DCBLD1: variants seen among roughly 807,000 people sequenced by gnomAD.
The protein encoded by DCBLD1 is discoidin, CUB and LCCL domain containing 1.
Under a neutral mutation model 71.5 loss-of-function variants are expected in DCBLD1, and 57 were observed. That is an observed-to-expected ratio of 0.80 (90% CI 0.64 to 0.99). The LOEUF (loss-of-function observed/expected upper bound fraction) is 0.99, where lower values mean the gene tolerates loss of function less well. Ranked by LOEUF, DCBLD1 falls within the 50% of genes least tolerant of loss-of-function variation. The pLI, the probability that DCBLD1 is intolerant of heterozygous loss-of-function variation, is 0.00. For missense variants in DCBLD1, 891 were observed against 923.5 expected (o/e 0.96, Z 0.46); for synonymous variants, 380 against 363.8 (o/e 1.04, Z -0.51).
At chr6:117,546,219 GTAAC>G (rs1439685475) in intron 14 of DCBLD1, among the ~76,000 whole-genome samples, 2 of 152,252 alleles carry the variant, frequency 1.3e-5, no homozygotes, top group East Asian at 3.9e-4. Context: ...GTAATAAAGA[GTAAC>G]TAAGAGTAGT....
chr6:117,496,392 C>T (rs17574500), intron 1 of DCBLD1, among the ~76,000 whole-genome samples: 15,416 of 152,156 alleles, frequency 0.1, 973 homozygotes, highest in Admixed American at 0.17. Flanking sequence ...TTGCTTCTGG[C>T]GGCCTACAAG....
chr6:117,549,835 G>A (rs1339947719), downstream of DCBLD1: 1 of 985,366 alleles, frequency 1.0e-6, no homozygotes, highest in South Asian at 4.7e-5. Flanking sequence ...TGCTCGCTGG[G>A]GTGTTAGAGG....
chr6:117,498,568 CA>C (rs1268731310), intron 1 of DCBLD1, among the ~76,000 whole-genome samples: 1 of 152,152 alleles, frequency 6.6e-6, no homozygotes, highest in Non-Finnish European at 1.5e-5. Flanking sequence ...CTATCCTCCC[CA>C]CAACACTACT....
Position 117,548,153 on chromosome 6 carries a change from A to C in DCBLD1, c.1862A>C (p.Tyr621Ser). The C allele has an allele frequency of 6.5e-7, 1 of 1,550,024 alleles. No individual in the cohort carries two copies. Among genetic ancestry groups the C allele is most frequent in the Non-Finnish European group, 8.7e-7 (1 of 1,146,760 alleles). The change falls in exon 15 of 15, where the codon TAC (tyrosine) becomes TCC (serine). Residue 621 changes from tyrosine (Y) to serine (S), a missense_variant. By Grantham distance (144) the Tyr-to-Ser change is moderately radical. Transcript: ENST00000338728. ...CACACGTTCTCTGCGCAGAGCGGCT[A>C]CCGCGTCCCAGGGCCCCAGCCCGGC... ...RAHTFSAQSG[Y>S]RVPGPQPGHK...
chr6:117,483,441 G>T (rs573964034), intron 1 of DCBLD1, among the ~76,000 whole-genome samples: 29 of 152,324 alleles, frequency 1.9e-4, no homozygotes, highest in African/African-American at 7.0e-4. Context: ...GTTGGCCTTG[G>T]ACGCTGGCGA....
At chr6:117,494,990 TGTGGTAAAGAAAAAG>T (rs1777423646) in intron 1 of DCBLD1, 1 of 152,240 alleles carries the variant, frequency 6.6e-6, no homozygotes, top group Non-Finnish European at 1.5e-5. Flanking sequence ...TGAGATGTTC[TGTGGTAAAGAAAAAG>T]GTGGAATTCT....
At position 117,540,805 on chromosome 6, in the gene DCBLD1, G is replaced by C. The variant is rs928726621; in HGVS notation, c.1239G>C (p.Gln413His). ...TGAAGGTGGAGCTCATTGGTTGCCA[G>C]ATTACACAAGGTAGGGCTCAGGGCA... Reference protein sequence around the residue: ...IALKVELIGCQITQGNDSLVW... With the variant: ...IALKVELIGCHITQGNDSLVW... Residue 413 changes from glutamine to histidine, a missense_variant, in exon 10 of 15, where the codon CAG becomes CAC. Gln to His is a conservative substitution (Grantham distance 24, BLOSUM62 0). Coordinates refer to ENST00000338728, the MANE Select transcript of DCBLD1 (RefSeq NM_001366458.2). The C allele has an allele frequency of 6.2e-7, 1 of 1,614,220 alleles. No homozygotes were observed. Among genetic ancestry groups the C allele is most frequent in the Non-Finnish European group, 8.5e-7 (1 of 1,180,038 alleles).
chr6:117,532,504 T>C, intron 6 of DCBLD1, 111 bp downstream of exon 6: 1 of 1,364,266 alleles, frequency 7.3e-7, no homozygotes, highest in Non-Finnish European at 9.7e-7. Context: ...CAAGGGTTTG[T>C]CAACTGGAAA....
chr6:117,547,616 G>A, intron 14 of DCBLD1: 1 of 679,138 alleles, frequency 1.5e-6, no homozygotes, highest in Non-Finnish European at 2.8e-6. Context: ...TCCAGAGCCA[G>A]TTTCAGAGCC....
At chr6:117,546,277 C>T (rs1034085033) in intron 14 of DCBLD1, among the ~76,000 whole-genome samples, 3 of 152,296 alleles carry the variant, frequency 2.0e-5, no homozygotes, top group African/African-American at 7.2e-5. Flanking sequence ...CTCTATGGCA[C>T]TGCTAAAAAC....
intron 1 of DCBLD1, among the ~76,000 whole-genome samples, chr6:117,495,231 G>C (rs1187906339): frequency 6.6e-6 from 1 of 152,076 alleles, no homozygotes; most frequent in African/African-American, 2.4e-5. Context: ...ACCCAGTTAT[G>C]GTTGGTAATT....
Position 117,559,652 on chromosome 6 carries a change from T to G in DCBLD1, c.1616-9968T>G, listed in dbSNP as rs185532875. Among the ~76,000 whole-genome samples the G allele has an allele frequency of 5.3e-5, 8 of 152,324 alleles. No homozygotes were observed. The East Asian group carries it at 1.5e-3, about 29-fold the overall frequency. ...TCAAATCACACCTGAAAAAGGTTCA[T>G]TATTGAACAAATATTCAGCACCAAC... On this transcript the variant is annotated intron_variant, in intron 14 of 14. Coordinates refer to the DCBLD1 transcript ENST00000296955.
intron 14 of DCBLD1, among the ~76,000 whole-genome samples, chr6:117,559,512 G>A (rs1177919640): frequency 2.0e-5 from 3 of 152,134 alleles, no homozygotes; most frequent in Non-Finnish European, 4.4e-5. Flanking sequence ...GCCTCACCAT[G>A]TACACAGGGA....
At chr6:117,561,727 G>A (rs1001588427) in intron 14 of DCBLD1, 13 of 206,038 alleles carry the variant, frequency 6.3e-5, no homozygotes, top group Non-Finnish European at 1.2e-4. Flanking sequence ...TATACACTAC[G>A]AAGTGCACTT....
At chr6:117,535,281 A>T (rs2114532855) in intron 6 of DCBLD1, among the ~76,000 whole-genome samples, 1 of 152,268 alleles carries the variant, frequency 6.6e-6, no homozygotes, top group South Asian at 2.1e-4. Context: ...AGAGAGACTG[A>T]CCTCATACAG....
At position 117,482,852 on chromosome 6, in the gene DCBLD1, T is replaced by C; in HGVS notation, c.71T>C (p.Leu24Pro). 8.4e-7 allele frequency: 1 copy of C among 1,184,208 alleles called. No individual in the cohort carries two copies. The highest frequency in any genetic ancestry group is 1.0e-6 in the Non-Finnish European group (1 of 957,950). The allele number at this position is 1,184,208 out of a possible 1,614,324, so 73.4% of individuals were successfully genotyped here. The change falls in exon 1 of 15, where the codon CTC becomes CCC. Residue 24 changes from leucine (L) to proline (P), a missense_variant. Leu to Pro is a moderately conservative substitution (Grantham distance 98). Transcript: ENST00000338728. ...AAGRGLLALL[L>P]AVSAPLRLQA... ...GGGCGGGGCCTCCTGGCTTTGCTGC[T>C]CGCGGTCTCCGCCCCGCTCCGGCTG... is the stretch of plus-strand genomic sequence containing the variant.
chr6:117,496,652 A>G (rs1306617639), intron 1 of DCBLD1, among the ~76,000 whole-genome samples: 1 of 152,080 alleles, frequency 6.6e-6, no homozygotes, highest in Non-Finnish European at 1.5e-5. Context: ...TGTAACTTGA[A>G]TATTAGAAGA....
intron 7 of DCBLD1, 68 bp from the exon 8 acceptor site, chr6:117,538,552 G>T (rs1313475672): frequency 1.2e-5 from 17 of 1,431,514 alleles, no homozygotes; most frequent in Non-Finnish European, 1.4e-5. Context: ...GTGAGATGTG[G>T]TACTACTTTT....
chr6:117,553,953 T>C (rs1662045109), downstream of DCBLD1, among the ~76,000 whole-genome samples: 1 of 152,200 alleles, frequency 6.6e-6, no homozygotes, highest in African/African-American at 2.4e-5. Flanking sequence ...TATTTCTAAA[T>C]GGAGATAATA....
Sources: allele counts gnomAD v4.1 joint callset (sites outside exome capture counted in the v4.1 genomes callset), GRCh38; gene constraint gnomAD v4.1.1; transcripts MANE v1.5; gene names NCBI Gene and HGNC (gene_info 2026-07-23, HGNC 2026-07-21).